The following DACH2 variants were observed in gnomAD, a reference collection of about 807,000 sequenced individuals.
The protein encoded by DACH2 is dachshund homolog 2.
Under a neutral mutation model 35.8 loss-of-function variants are expected in DACH2, and 17 were observed. The observed-to-expected ratio is 0.48, with a 90% CI of 0.33 to 0.71. The LOEUF is 0.71. DACH2 is among the 30% of genes least tolerant of loss of function. The pLI is 0.02. For missense variants in DACH2, 469 were observed against 472.7 expected (o/e 0.99, Z 0.07); for synonymous variants, 195 against 177.3 (o/e 1.10, Z -0.79).
intron 3 of DACH2, among the ~76,000 whole-genome samples, chrX:86,647,252 C>T (rs955459677): frequency 2.7e-5 from 3 of 110,000 alleles, no homozygotes; most frequent in Non-Finnish European, 5.7e-5. Flanking sequence ...TAACAATAGC[C>T]AATATATTAA....
At chrX:86,585,959 T>C (rs925447409) in intron 3 of DACH2, among the ~76,000 whole-genome samples, 3 of 111,742 alleles carry the variant, frequency 2.7e-5, no homozygotes, top group Non-Finnish European at 5.7e-5. Context: ...GAATGGTAAT[T>C]CTGTTTTAAG....
rs200740389 is a variant in DACH2 at position 86,761,208 on chromosome X, T to C, written c.1240+21326T>C. Among the ~76,000 whole-genome samples, 35 of 110,004 alleles carry C rather than the reference T, an allele frequency of 3.2e-4. No homozygotes were observed. The East Asian group carries it at 9.9e-3, about 31-fold the overall frequency. On this transcript the variant is annotated intron_variant, in intron 7 of 11. Transcript: ENST00000373125. The stretch of plus-strand genomic sequence containing the variant: ...TCTCCCTCCCCTTTCCCCCCATCCC[T>C]GACAGGCCCCAGTGTGTGATGTTCC...
At chrX:86,373,348 T>C (rs1468832974) in intron 1 of DACH2, among the ~76,000 whole-genome samples, 1 of 111,246 alleles carries the variant, frequency 9.0e-6, no homozygotes, top group Non-Finnish European at 1.9e-5. Flanking sequence ...TTTTTAAAGC[T>C]CTGTACAGAA....
intron 1 of DACH2, among the ~76,000 whole-genome samples, chrX:86,347,440 A>G (rs761806742): frequency 2.7e-5 from 3 of 112,712 alleles, no homozygotes; most frequent in African/African-American, 6.4e-5. Flanking sequence ...CTATAGTTAC[A>G]GTCTCACTCC....
intron 1 of DACH2, among the ~76,000 whole-genome samples, chrX:86,278,554 G>A (rs954769169): frequency 4.4e-5 from 5 of 112,587 alleles, no homozygotes; most frequent in Non-Finnish European, 9.4e-5. Context: ...TAATAAAGAT[G>A]TGTTTGAGCC....
chrX:86,243,125 A>T (rs972089544), intron 1 of DACH2, among the ~76,000 whole-genome samples: 1 of 111,327 alleles, frequency 9.0e-6, no homozygotes, highest in Non-Finnish European at 1.9e-5. Flanking sequence ...TCTTTCCCAC[A>T]TAGTTTTTAG....
chrX:86,500,492 TA>T (rs763343408), intron 2 of DACH2, among the ~76,000 whole-genome samples: 37 of 111,336 alleles, frequency 3.3e-4, no homozygotes, highest in African/African-American at 1.2e-3. Context: ...AATAAAACTG[TA>T]AAAAAAATGT....
intron 7 of DACH2, among the ~76,000 whole-genome samples, chrX:86,785,353 C>T (rs751043626): frequency 5.9e-4 from 65 of 110,917 alleles, no homozygotes; most frequent in African/African-American, 2.0e-3. Flanking sequence ...TGGACAGAAT[C>T]ACCAAAGCAG....
intron 7 of DACH2, among the ~76,000 whole-genome samples, chrX:86,747,024 T>C (rs2041719907): frequency 8.9e-6 from 1 of 112,164 alleles, no homozygotes; most frequent in Non-Finnish European, 1.9e-5. Flanking sequence ...CACTGATTTC[T>C]GGACACTCAA....
At chrX:86,610,270 T>A (rs964334251) in intron 3 of DACH2, among the ~76,000 whole-genome samples, 1 of 111,449 alleles carries the variant, frequency 9.0e-6, no homozygotes, top group Non-Finnish European at 1.9e-5. Flanking sequence ...ACTGCCAGAA[T>A]AATGACAGTG....
chrX:86,149,657 TGTG>T (rs1203582989), intron 1 of DACH2, among the ~76,000 whole-genome samples: 1 of 111,837 alleles, frequency 8.9e-6, no homozygotes, highest in East Asian at 2.8e-4. Context: ...GTGTGGGGTG[TGTG>T]GTGTTGTTGT....
At chrX:86,498,445 T>A (rs779227758) in intron 2 of DACH2, among the ~76,000 whole-genome samples, 1 of 112,191 alleles carries the variant, frequency 8.9e-6, no homozygotes, top group African/African-American at 3.2e-5. Context: ...GGTAGATGAT[T>A]TATAAGAACA....
intron 3 of DACH2, among the ~76,000 whole-genome samples, chrX:86,542,111 A>G (rs1443176947): frequency 1.8e-5 from 2 of 110,904 alleles, no homozygotes; most frequent in African/African-American, 6.6e-5. Flanking sequence ...CTTCCCTTTT[A>G]TGGTCTGCTT....
chrX:86,399,418 T>G (rs1383289058), intron 2 of DACH2, among the ~76,000 whole-genome samples: 2 of 111,653 alleles, frequency 1.8e-5, no homozygotes, highest in Non-Finnish European at 3.8e-5. Flanking sequence ...ATTTGATCCT[T>G]TCATTATGAT....
At chrX:86,641,371 GT>G (rs2148398269) in intron 3 of DACH2, among the ~76,000 whole-genome samples, 1 of 111,761 alleles carries the variant, frequency 8.9e-6, no homozygotes, top group African/African-American at 3.2e-5. Flanking sequence ...TTGAAGACTG[GT>G]TCTCTGAAAT....
chrX:86,333,856 C>A (rs2035254618), intron 1 of DACH2, among the ~76,000 whole-genome samples: 1 of 111,057 alleles, frequency 9.0e-6, no homozygotes, highest in Admixed American at 9.6e-5. Context: ...TTGCTGCAAC[C>A]ATCAACCCAT....
intron 2 of DACH2, among the ~76,000 whole-genome samples, chrX:86,391,439 C>A (rs1251278929): frequency 1.8e-5 from 2 of 109,001 alleles, no homozygotes; most frequent in Non-Finnish European, 3.8e-5. Flanking sequence ...GTAGAAACAC[C>A]AACTATTTGA....
intron 6 of DACH2, among the ~76,000 whole-genome samples, chrX:86,732,731 C>A: frequency 8.9e-6 from 1 of 112,117 alleles, no homozygotes; most frequent in African/African-American, 3.2e-5. Context: ...AAGTGCACAG[C>A]ATGTATTAGC....
chrX:86,714,829 G>A, intron 6 of DACH2, 109 bp downstream of exon 6: 1 of 712,953 alleles, frequency 1.4e-6, no homozygotes, highest in African/African-American at 2.2e-5. Context: ...CATTGACTCA[G>A]TTAGTTAGCA....
Sources: allele counts gnomAD v4.1 joint callset (sites outside exome capture counted in the v4.1 genomes callset), GRCh38; gene constraint gnomAD v4.1.1; transcripts MANE v1.5; gene names NCBI Gene and HGNC (gene_info 2026-07-23, HGNC 2026-07-21).